Variants in RNF38 observed in about 807,000 individuals in gnomAD.
RNF38 encodes the protein ring finger protein 38, also known as E3 ubiquitin-protein ligase RNF38.
A neutral mutation model predicts 67.2 loss-of-function variants in RNF38; 15 were observed. The ratio of observed to expected loss-of-function variants is 0.22; its 90% CI spans 0.15 to 0.34. The LOEUF (loss-of-function observed/expected upper bound fraction) is 0.34. Ranked by LOEUF, RNF38 falls within the 10% of genes least tolerant of loss-of-function variation. RNF38 has a pLI of 1.00. For missense variants in RNF38, 524 were observed against 639.9 expected, an observed-to-expected ratio of 0.82 and a Z score of 1.95; for synonymous variants, 220 against 218.8, an observed-to-expected ratio of 1.01 and a Z score of -0.05.
Position 36,372,762 on chromosome 9 carries a change from A to G in RNF38, c.357-2830T>C, listed in dbSNP as rs146835033. Among the ~76,000 whole-genome samples, 1,368 of 152,324 alleles carry G rather than the reference A, an allele frequency of 9.0e-3. 23 individuals are homozygous for G. Among genetic ancestry groups the G allele is most frequent in the African/African-American group, 0.031 (1,293 of 41,572 alleles). On this transcript the variant is annotated intron_variant, in intron 3 of 11. Transcript: ENST00000259605. The stretch of plus-strand genomic sequence containing the variant: ...GAACTCAAAGCTAATTACTATTATC[A>G]TCATCTGTAAACAGACATTTCTGAC...
At chr9:36,421,604 A>T (rs1838630041) in intron 2 of RNF38, among the ~76,000 whole-genome samples, 1 of 152,170 alleles carries the variant, frequency 6.6e-6, no homozygotes, top group South Asian at 2.1e-4. Context: ...CGGAGGTTGC[A>T]GTGAGCCAAG....
chr9:36,391,408 A>T (rs1371180481), intron 1 of RNF38, among the ~76,000 whole-genome samples: 1 of 152,130 alleles, frequency 6.6e-6, no homozygotes, highest in East Asian at 1.9e-4. Flanking sequence ...AATCATGAAC[A>T]TAATGTGTTC....
At chr9:36,415,711 A>AG (rs1486752245) in intron 2 of RNF38, among the ~76,000 whole-genome samples, 1 of 152,062 alleles carries the variant, frequency 6.6e-6, no homozygotes, top group Non-Finnish European at 1.5e-5. Flanking sequence ...GCTCCGATGG[A>AG]GGTAGCAGGG....
rs543510127 is a variant in RNF38, at chr9:36,371,245, C to T, written c.357-1313G>A. Among the ~76,000 whole-genome samples the T allele has an allele frequency of 3.9e-4, 59 of 152,280 alleles. No homozygotes were observed. In the South Asian group the frequency reaches 0.012, roughly 30 times the overall value. ...CTGTTTCTTCTTACTCCTAATTCTC[C>T]AATCTTAAGAGAACAAGGGACATTC... On this transcript the variant is annotated intron_variant, in intron 3 of 11. Coordinates refer to ENST00000259605, the MANE Select transcript of RNF38 (RefSeq NM_022781.5).
At position 36,338,244 on chromosome 9, in the gene RNF38, A is replaced by T. The variant is rs954010530; in HGVS notation, c.*1508T>A. On this transcript the variant is annotated 3_prime_UTR_variant, in exon 12 of 12. Coordinates refer to ENST00000259605, the MANE Select transcript of RNF38 (RefSeq NM_022781.5). The stretch of plus-strand genomic sequence containing the variant: ...GTGAATTATGCTCAAAGAACTTACT[A>T]AAAAAAACCCCATACAGCTATGTAT... 3 of 152,038 alleles carry T rather than the reference A, an allele frequency of 2.0e-5. No individual in the cohort carries two copies. The highest frequency in any genetic ancestry group is 7.3e-5 in the African/African-American group (3 of 41,378). The allele number at this position is 152,038 out of a possible 1,614,324, so 9.4% of individuals were successfully genotyped here.
chr9:36,351,982 A>C (rs943278235), intron 8 of RNF38, among the ~76,000 whole-genome samples: 1 of 152,216 alleles, frequency 6.6e-6, no homozygotes, highest in African/African-American at 2.4e-5. Context: ...GCCTACTTCT[A>C]GACTTTATTA....
chr9:36,471,972 T>C (rs763193802), intron 1 of RNF38, among the ~76,000 whole-genome samples: 30 of 152,046 alleles, frequency 2.0e-4, no homozygotes, highest in Non-Finnish European at 3.1e-4. Context: ...GGAATGTTTC[T>C]TTTTTTTAGC....
intron 2 of RNF38, among the ~76,000 whole-genome samples, chr9:36,411,458 T>C (rs1056434717): frequency 6.6e-6 from 1 of 152,210 alleles, no homozygotes; most frequent in Non-Finnish European, 1.5e-5. Flanking sequence ...GAAGAGATAC[T>C]TGTCCACCCG....
intron 7 of RNF38, 30 bp downstream of exon 7, chr9:36,353,140 T>C (rs1055568057): frequency 6.3e-7 from 1 of 1,590,100 alleles, no homozygotes; most frequent in Non-Finnish European, 8.6e-7. Context: ...CCAAAGCAAG[T>C]AATTAACATA....
chr9:36,436,763 C>T (rs1252780902), intron 1 of RNF38, among the ~76,000 whole-genome samples: 2 of 139,016 alleles, frequency 1.4e-5, no homozygotes, highest in East Asian at 2.2e-4. Flanking sequence ...GTGGAGCTTG[C>T]GTGAGCCCAG....
Position 36,338,701 on chromosome 9 carries a change from T to G in RNF38, c.*1051A>C, listed in dbSNP as rs1368164503. 6.6e-6 allele frequency: 1 copy of G among 152,556 alleles called. No individual in the cohort carries two copies. Among genetic ancestry groups the G allele is most frequent in the African/African-American group, 2.4e-5 (1 of 41,440 alleles). 9.5% of individuals were successfully genotyped at this position (152,556 alleles called of 1,614,324 possible). A position where few individuals can be genotyped will look rare whatever the true frequency, so the allele number is the denominator to read the frequency against. Reference sequence around the variant, plus strand: ...GTGAGACTTCATGGGACTAGTGGTCTTCTTAGAAATATATTAATCAAATAT... The same window carrying G: ...GTGAGACTTCATGGGACTAGTGGTCGTCTTAGAAATATATTAATCAAATAT... On this transcript the variant is annotated 3_prime_UTR_variant, in exon 12 of 12. Transcript: ENST00000259605.
At chr9:36,458,405 A>G (rs139744942) in intron 1 of RNF38, among the ~76,000 whole-genome samples, 7,640 of 152,240 alleles carry the variant, frequency 0.05, 591 homozygotes, top group African/African-American at 0.17. Flanking sequence ...CCACGCTGTG[A>G]AAGCTTTGTT....
chr9:36,409,735 C>CA (rs1491344917), intron 2 of RNF38, among the ~76,000 whole-genome samples: 3 of 152,176 alleles, frequency 2.0e-5, no homozygotes, highest in African/African-American at 7.2e-5. Context: ...AATGGTTTTG[C>CA]ACAGACATAT....
At position 36,369,705 on chromosome 9, in the gene RNF38, T is replaced by G. The variant is rs1835232754; in HGVS notation, c.570+14A>C. The G allele has an allele frequency of 1.9e-6, 3 of 1,547,364 alleles. No homozygotes were observed. Among genetic ancestry groups the G allele is most frequent in the Non-Finnish European group, 8.7e-7 (1 of 1,143,268 alleles). ...TTTCAGCTTCTGTATTTCCAAGACA[T>G]TCTGTTATTGTACCTGATCATGTAT... is the stretch of plus-strand genomic sequence containing the variant. On this transcript the variant is annotated intron_variant, in intron 4 of 11. Transcript: ENST00000259605.
At chr9:36,479,402 T>C (rs1368379412) in intron 1 of RNF38, among the ~76,000 whole-genome samples, 2 of 152,190 alleles carry the variant, frequency 1.3e-5, no homozygotes, top group Non-Finnish European at 1.5e-5. Flanking sequence ...ATATCGTTTG[T>C]GGGAATTTAC....
intron 2 of RNF38, among the ~76,000 whole-genome samples, chr9:36,384,559 G>A (rs778603518): frequency 1.1e-4 from 16 of 152,176 alleles, no homozygotes; most frequent in South Asian, 2.1e-4. Context: ...CAAGGATGCA[G>A]GATGAAGGGC....
At chr9:36,362,653 AT>A (rs373822163) in intron 4 of RNF38, among the ~76,000 whole-genome samples, 18 of 147,952 alleles carry the variant, frequency 1.2e-4, no homozygotes, top group South Asian at 6.5e-4. Flanking sequence ...TCTGGTAACC[AT>A]TTTTTTTTTC....
chr9:36,344,501 G>T (rs1833073488), intron 10 of RNF38, among the ~76,000 whole-genome samples: 1 of 152,112 alleles, frequency 6.6e-6, no homozygotes, highest in Non-Finnish European at 1.5e-5. Flanking sequence ...AAATTGCTAA[G>T]CAACATAAAA....
intron 1 of RNF38, among the ~76,000 whole-genome samples, chr9:36,431,432 T>C (rs1008642808): frequency 6.6e-5 from 10 of 152,196 alleles, no homozygotes; most frequent in East Asian, 3.8e-4. Context: ...AGTAAAAATA[T>C]AGTATTATAA....
Sources: allele counts gnomAD v4.1 joint callset (sites outside exome capture counted in the v4.1 genomes callset), GRCh38; gene constraint gnomAD v4.1.1; transcripts MANE v1.5; gene names NCBI Gene and HGNC (gene_info 2026-07-23, HGNC 2026-07-21).